MAPK8: variants seen among roughly 807,000 people sequenced by gnomAD.
MAPK8 encodes the protein JUN N-terminal kinase.
Under a neutral mutation model 52.9 loss-of-function variants are expected in MAPK8, and 13 were observed. That is an observed-to-expected ratio of 0.25 (90% confidence interval 0.16 to 0.39). The LOEUF (loss-of-function observed/expected upper bound fraction) is 0.39. Ranked by LOEUF, MAPK8 falls within the 10% of genes least tolerant of loss-of-function variation. The probability of loss-of-function intolerance (pLI) is 1.00; values close to 1 mark genes in which losing one functional copy is unlikely to be tolerated. For missense variants in MAPK8, 300 were observed against 519.2 expected (o/e 0.58, Z 4.10); for synonymous variants, 191 against 169.8 (o/e 1.12, Z -0.97).
Position 48,435,226 on chromosome 10 carries a change from A to G in MAPK8, c.*197A>G. On this transcript the variant is annotated 3_prime_UTR_variant, in exon 12 of 12. Transcript: ENST00000374189. Reference sequence around the variant, plus strand: ...CTAAGTTGTGTTTCAAAACAGCAACAAAACTGTATTGTATTTTTTTTGCTG... The same window carrying G: ...CTAAGTTGTGTTTCAAAACAGCAACGAAACTGTATTGTATTTTTTTTGCTG... 1 of 455,310 alleles carries G rather than the reference A, an allele frequency of 2.2e-6. No individual in the cohort carries two copies. Among genetic ancestry groups the G allele is most frequent in the Middle Eastern group, 5.5e-4 (1 of 1,814 alleles). 28.2% of individuals were successfully genotyped at this position (455,310 alleles called of 1,614,324 possible).
intron 9 of MAPK8, chr10:48,426,854 A>T (rs1258820561): frequency 2.0e-6 from 1 of 496,566 alleles, no homozygotes; most frequent in African/African-American, 1.9e-5. Context: ...AAATGTGGCA[A>T]TTTCAAGAGC....
At position 48,336,887 on chromosome 10, in the gene MAPK8, G is replaced by GCATT. The variant is rs375827298; in HGVS notation, c.-50+30067_-50+30070dup. 3.0e-3 allele frequency among the ~76,000 whole-genome samples: 456 copies of GCATT among 152,132 alleles called. 4 individuals are homozygous for GCATT. Among genetic ancestry groups the GCATT allele is most frequent in the African/African-American group, 0.011 (444 of 41,524 alleles). Reference sequence around the variant, plus strand: ...CCAACAACAGTAACAAAAGACAAGGGCATTATATAATGACAAAGGATTTAA... The same window carrying GCATT: ...CCAACAACAGTAACAAAAGACAAGGGCATTCATTATATAATGACAAAGGATTTAA... On this transcript the variant is annotated intron_variant, in intron 1 of 11. Coordinates refer to ENST00000374189, the MANE Select transcript of MAPK8 (RefSeq NM_001323329.2).
intron 1 of MAPK8, among the ~76,000 whole-genome samples, chr10:48,392,135 C>G (rs943977789): frequency 1.3e-5 from 2 of 152,100 alleles, no homozygotes; most frequent in Non-Finnish European, 2.9e-5. Flanking sequence ...GTGGAGAAAC[C>G]CACAAGCCTG....
At chr10:48,313,238 G>C (rs551933046) in intron 1 of MAPK8, among the ~76,000 whole-genome samples, 81 of 152,270 alleles carry the variant, frequency 5.3e-4, no homozygotes, top group Non-Finnish European at 1.0e-3. Flanking sequence ...TTTGAGACCA[G>C]CTTGGCCAAC....
chr10:48,364,382 C>A (rs1461192183), intron 1 of MAPK8, among the ~76,000 whole-genome samples: 1 of 151,522 alleles, frequency 6.6e-6, no homozygotes, highest in African/African-American at 2.4e-5. Flanking sequence ...TTGTAACCAA[C>A]CCTGAGGAGA....
chr10:48,375,301 C>T (rs1282413477), intron 1 of MAPK8, among the ~76,000 whole-genome samples: 7 of 152,092 alleles, frequency 4.6e-5, no homozygotes, highest in East Asian at 1.9e-4. Context: ...TGGGCAAAAA[C>T]GGGAAGCATT....
At chr10:48,374,875 G>C (rs768747155) in intron 1 of MAPK8, among the ~76,000 whole-genome samples, 10 of 152,054 alleles carry the variant, frequency 6.6e-5, no homozygotes, top group Non-Finnish European at 1.2e-4. Context: ...GGACTCCTCT[G>C]TAACTCATTT....
intron 2 of MAPK8, among the ~76,000 whole-genome samples, chr10:48,403,645 C>G (rs1488488546): frequency 6.6e-6 from 1 of 152,062 alleles, no homozygotes; most frequent in Non-Finnish European, 1.5e-5. Context: ...CCACATTTAA[C>G]CAACCATAAA....
At chr10:48,334,783 G>A (rs1021267633) in intron 1 of MAPK8, among the ~76,000 whole-genome samples, 1 of 152,120 alleles carries the variant, frequency 6.6e-6, no homozygotes, top group East Asian at 1.9e-4. Context: ...GAAGAACAGC[G>A]GAAGTAAGAC....
At chr10:48,344,978 T>C (rs899506539) in intron 1 of MAPK8, among the ~76,000 whole-genome samples, 1 of 152,180 alleles carries the variant, frequency 6.6e-6, no homozygotes, top group Non-Finnish European at 1.5e-5. Context: ...AACAAAGTGA[T>C]ACAGAAGGGT....
At chr10:48,431,834 G>A (rs1180710313) in intron 11 of MAPK8, among the ~76,000 whole-genome samples, 1 of 152,116 alleles carries the variant, frequency 6.6e-6, no homozygotes, top group Non-Finnish European at 1.5e-5. Flanking sequence ...AGAATAGAGG[G>A]GAAAAGTTAA....
At chr10:48,382,791 A>G (rs1296773094) in intron 1 of MAPK8, among the ~76,000 whole-genome samples, 1 of 147,278 alleles carries the variant, frequency 6.8e-6, no homozygotes, top group Non-Finnish European at 1.5e-5. Context: ...CTTTATATAT[A>G]CTTATATATA....
At chr10:48,412,149 T>C (rs1806058208) in intron 5 of MAPK8, among the ~76,000 whole-genome samples, 1 of 152,210 alleles carries the variant, frequency 6.6e-6, no homozygotes, top group Non-Finnish European at 1.5e-5. Flanking sequence ...CCTGGCCTCT[T>C]TCAGCACTTT....
intron 1 of MAPK8, among the ~76,000 whole-genome samples, chr10:48,347,464 G>A (rs1413026682): frequency 6.6e-6 from 1 of 152,096 alleles, no homozygotes; most frequent in South Asian, 2.1e-4. Flanking sequence ...TTGTTACATA[G>A]GTATACACGT....
intron 1 of MAPK8, among the ~76,000 whole-genome samples, chr10:48,373,041 G>A (rs1157012457): frequency 6.6e-6 from 1 of 152,080 alleles, no homozygotes; most frequent in African/African-American, 2.4e-5. Context: ...AATCTCTTTG[G>A]CAGAAACCCT....
At chr10:48,374,150 A>T (rs2590384) in intron 1 of MAPK8, among the ~76,000 whole-genome samples, 122,931 of 152,072 alleles carry the variant, frequency 0.81, 49,861 homozygotes, top group Middle Eastern at 0.9. Flanking sequence ...GACTACTGGA[A>T]AAATAACGAA....
At chr10:48,318,309 A>G (rs1842691889) in intron 1 of MAPK8, among the ~76,000 whole-genome samples, 1 of 152,200 alleles carries the variant, frequency 6.6e-6, no homozygotes, top group South Asian at 2.1e-4. Flanking sequence ...GTAGATATTA[A>G]TCACATCTAC....
intron 1 of MAPK8, among the ~76,000 whole-genome samples, chr10:48,396,834 A>G (rs1014949973): frequency 6.6e-6 from 1 of 152,220 alleles, no homozygotes; most frequent in Admixed American, 6.5e-5. Context: ...CTGTCTTCTT[A>G]TGAGTTTTAA....
chr10:48,392,679 T>C (rs949621284), intron 1 of MAPK8, among the ~76,000 whole-genome samples: 4 of 152,038 alleles, frequency 2.6e-5, no homozygotes, highest in Admixed American at 2.6e-4. Flanking sequence ...CCTCTCTTTA[T>C]TGGATCCTTT....
Sources: gnomAD v4.1 joint callset for allele counts (sites outside exome capture counted in the v4.1 genomes callset) on GRCh38, gnomAD v4.1.1 for gene constraint, MANE v1.5 for transcripts, NCBI Gene and HGNC (gene_info 2026-07-23, HGNC 2026-07-21) for gene names.